PALM2AKAP2: variants seen among roughly 807,000 people sequenced by gnomAD.
The protein encoded by PALM2AKAP2 is PALM2 and AKAP2 fusion.
PALM2AKAP2 carries 37 observed loss-of-function variants against 71.5 expected under a neutral mutation model. The ratio of observed to expected loss-of-function variants is 0.52; its 90% CI spans 0.40 to 0.68. The LOEUF (loss-of-function observed/expected upper bound fraction) is 0.68. Ranked by LOEUF, PALM2AKAP2 falls within the 30% of genes least tolerant of loss-of-function variation. The pLI is 0.00. For missense variants in PALM2AKAP2, 1,224 were observed against 1,191.8 expected (o/e 1.03, Z -0.40); for synonymous variants, 468 against 478.8 (o/e 0.98, Z 0.29).
At chr9:109,725,159 G>A (rs1828458073) in intron 1 of PALM2AKAP2, among the ~76,000 whole-genome samples, 1 of 152,154 alleles carries the variant, frequency 6.6e-6, no homozygotes, top group Non-Finnish European at 1.5e-5. Context: ...TTAAAGGTAG[G>A]AGCCTAGGGT....
chr9:109,791,550 A>G (rs1827112101), intron 1 of PALM2AKAP2, among the ~76,000 whole-genome samples: 1 of 152,212 alleles, frequency 6.6e-6, no homozygotes, highest in South Asian at 2.1e-4. Context: ...CAAGGGAAAG[A>G]TGGTACTTCA....
chr9:110,050,094 T>G (rs1193145192), intron 1 of PALM2AKAP2, among the ~76,000 whole-genome samples: 2 of 152,240 alleles, frequency 1.3e-5, no homozygotes, highest in African/African-American at 4.8e-5. Context: ...GTAGCAGTTT[T>G]AAATGCAGCA....
chr9:110,131,970 G>A (rs1308493066), intron 1 of PALM2AKAP2, among the ~76,000 whole-genome samples: 2 of 151,676 alleles, frequency 1.3e-5, no homozygotes. Flanking sequence ...AAAATGTATC[G>A]GAAAGGAATC....
chr9:109,739,498 T>G (rs917036490), intron 1 of PALM2AKAP2, among the ~76,000 whole-genome samples: 2 of 152,122 alleles, frequency 1.3e-5, no homozygotes, highest in Admixed American at 6.5e-5. Context: ...CATTCAAGAG[T>G]TAGAAAGGGA....
chr9:110,125,840 C>T (rs1014680884), intron 1 of PALM2AKAP2, among the ~76,000 whole-genome samples: 2 of 151,348 alleles, frequency 1.3e-5, no homozygotes, highest in Non-Finnish European at 2.9e-5. Flanking sequence ...GCAAAGAGGA[C>T]GCTCAGTCCT....
At chr9:109,874,568 C>T (rs74343199) in intron 2 of PALM2AKAP2, among the ~76,000 whole-genome samples, 2,348 of 152,296 alleles carry the variant, frequency 0.015, 59 homozygotes, top group African/African-American at 0.054. Flanking sequence ...AGTACTATGG[C>T]TGCAAATACC....
chr9:110,142,290 T>C (rs1836054259), intron 2 of PALM2AKAP2, among the ~76,000 whole-genome samples: 2 of 152,152 alleles, frequency 1.3e-5, no homozygotes, highest in South Asian at 4.1e-4. Flanking sequence ...AGTTTCATCA[T>C]GTTGGCCAGG....
At chr9:109,783,170 G>C (rs1826864412) in intron 1 of PALM2AKAP2, among the ~76,000 whole-genome samples, 1 of 152,120 alleles carries the variant, frequency 6.6e-6, no homozygotes. Flanking sequence ...TCCTGGGCTG[G>C]TTGTAAGGTT....
chr9:110,032,444 G>A (rs977813774), intron 7 of PALM2AKAP2, among the ~76,000 whole-genome samples: 1 of 152,092 alleles, frequency 6.6e-6, no homozygotes, highest in Non-Finnish European at 1.5e-5. Flanking sequence ...TGTAATCCCA[G>A]CACTTTGGGA....
At chr9:109,683,254 A>C (rs145231677) in intron 1 of PALM2AKAP2, among the ~76,000 whole-genome samples, 16 of 152,272 alleles carry the variant, frequency 1.1e-4, no homozygotes, top group African/African-American at 3.8e-4. Flanking sequence ...TAAATTACCC[A>C]ATTTCAGGTA....
chr9:110,099,486 T>C (rs535040522), intron 1 of PALM2AKAP2, among the ~76,000 whole-genome samples: 1 of 151,998 alleles, frequency 6.6e-6, no homozygotes, highest in Non-Finnish European at 1.5e-5. Context: ...TTTGGAAGGA[T>C]ACATAAGAAG....
At chr9:110,071,284 A>G (rs1342723989) in intron 1 of PALM2AKAP2, among the ~76,000 whole-genome samples, 2 of 152,204 alleles carry the variant, frequency 1.3e-5, no homozygotes, top group Non-Finnish European at 2.9e-5. Flanking sequence ...ATAGGTACTC[A>G]GTAAATAGTT....
chr9:109,758,129 A>G (rs1335485211), intron 1 of PALM2AKAP2, among the ~76,000 whole-genome samples: 2 of 152,002 alleles, frequency 1.3e-5, no homozygotes, highest in African/African-American at 2.4e-5. Context: ...CATACTGCAC[A>G]CTATTCTGCA....
At chr9:109,759,429 G>A (rs1028247103) in intron 1 of PALM2AKAP2, among the ~76,000 whole-genome samples, 4 of 152,134 alleles carry the variant, frequency 2.6e-5, no homozygotes, top group Non-Finnish European at 5.9e-5. Context: ...TAAGGTGCAA[G>A]ATAGTGTGAA....
At chr9:110,117,824 T>C (rs2118983142) in intron 1 of PALM2AKAP2, among the ~76,000 whole-genome samples, 1 of 152,140 alleles carries the variant, frequency 6.6e-6, no homozygotes, top group Admixed American at 6.6e-5. Flanking sequence ...CATGAATTTT[T>C]GGGAGACACA....
At chr9:109,857,876 G>C (rs984398314) in intron 1 of PALM2AKAP2, among the ~76,000 whole-genome samples, 2 of 152,340 alleles carry the variant, frequency 1.3e-5, no homozygotes, top group Non-Finnish European at 1.5e-5. Flanking sequence ...AATAAACTCA[G>C]TTGCCATTAT....
intron 6 of PALM2AKAP2, among the ~76,000 whole-genome samples, chr9:109,967,249 C>T (rs927530096): frequency 1.3e-5 from 2 of 152,106 alleles, no homozygotes; most frequent in East Asian, 1.9e-4. Context: ...CTCTTCACAG[C>T]TCAGCAGCTG....
At chr9:110,045,944 A>G (rs987874395), upstream of PALM2AKAP2, among the ~76,000 whole-genome samples, 2 of 151,982 alleles carry the variant, frequency 1.3e-5, no homozygotes, top group Non-Finnish European at 2.9e-5. Flanking sequence ...AGATATCTCA[A>G]CCTCAGCATT....
intron 3 of PALM2AKAP2, among the ~76,000 whole-genome samples, chr9:109,889,050 C>T (rs1047593810): frequency 3.3e-5 from 5 of 152,086 alleles, no homozygotes; most frequent in Non-Finnish European, 5.9e-5. Flanking sequence ...ATCTCACCAC[C>T]GAGTAGTTCC....
Sources: allele counts gnomAD v4.1 joint callset (sites outside exome capture counted in the v4.1 genomes callset), GRCh38; gene constraint gnomAD v4.1.1; transcripts MANE v1.5; gene names NCBI Gene and HGNC (gene_info 2026-07-23, HGNC 2026-07-21).